The following PEX6 variants were observed in gnomAD, a reference collection of about 807,000 sequenced individuals.
PEX6 encodes the protein peroxisomal biogenesis factor 6.
PEX6 carries 55 observed loss-of-function variants against 85.6 expected under a neutral mutation model. The ratio of observed to expected loss-of-function variants is 0.64; its 90% CI spans 0.52 to 0.80. PEX6 has a LOEUF of 0.80. Ranked by LOEUF, PEX6 falls within the 30% of genes least tolerant of loss-of-function variation. The probability of loss-of-function intolerance (pLI) is 0.00; values close to 1 mark genes in which losing one functional copy is unlikely to be tolerated. For synonymous variants in PEX6, 519 were observed against 549.1 expected, an observed-to-expected ratio of 0.95 and a Z score of 0.77; for missense variants, 1,099 against 1,260.3, an observed-to-expected ratio of 0.87 and a Z score of 1.94.
Position 42,978,934 on chromosome 6 carries a change from G to A in PEX6, c.217C>T (p.Gln73Ter). The change falls in exon 1 of 17, where the codon CAG becomes TAG. Residue 73 changes from glutamine to a stop codon, truncating the protein, a stop_gained. Transcript: ENST00000304611. LOFTEE classifies it high-confidence loss of function. Reference protein sequence around the residue: ...GTEEQGPGPPQLLVSRALLRL... With the variant: ...GTEEQGPGPP ...AGCAGCGCGCGGCTAACCAGTAGCT[G>A]CGGCGGCCCGGGACCCTGCTCTTCG... The A allele has an allele frequency of 4.7e-6, 7 of 1,488,538 alleles. No homozygotes were observed. The highest frequency in any genetic ancestry group is 1.5e-5 in the African/African-American group (1 of 68,522). 92.2% of individuals were successfully genotyped at this position (1,488,538 alleles called of 1,614,324 possible). A position where few individuals can be genotyped will look rare whatever the true frequency, so the allele number is the denominator to read the frequency against.
rs772141052 is a variant in PEX6, at chr6:42,978,221, A to G, written c.882+48T>C. On this transcript the variant is annotated intron_variant, in intron 1 of 16. Coordinates refer to ENST00000304611, the MANE Select transcript of PEX6 (RefSeq NM_000287.4). ...TTCCAATTTACCTAAGACAGAGAAG[A>G]GGGTATAAGAAAGAGGAAGCACTCC... The G allele has an allele frequency of 1.9e-6, 3 of 1,592,216 alleles. No individual in the cohort carries two copies. The Middle Eastern group carries it at 5.0e-4, about 265-fold the overall frequency.
At chr6:42,967,243 A>G in intron 8 of PEX6, 125 bp downstream of exon 8, 2 of 912,934 alleles carry the variant, frequency 2.2e-6, no homozygotes, top group Non-Finnish European at 1.7e-6. Context: ...TGCTAGGATT[A>G]CAGGCGTGAG....
intron 3 of PEX6, 78 bp from the exon 4 acceptor site, chr6:42,970,065 C>T: frequency 8.7e-7 from 1 of 1,147,396 alleles, no homozygotes; most frequent in Non-Finnish European, 1.3e-6. Flanking sequence ...TTCTCAATCA[C>T]AGAGGACAAA....
At chr6:42,974,418 C>T (rs999227098) in intron 2 of PEX6, among the ~76,000 whole-genome samples, 40 of 149,064 alleles carry the variant, frequency 2.7e-4, no homozygotes, top group African/African-American at 7.9e-4. Flanking sequence ...TACCAAGAGG[C>T]GCCTACCACA....
At chr6:42,977,768 CAAAAAAAAAAAAAA>C (rs200706906) in intron 1 of PEX6, among the ~76,000 whole-genome samples, 2 of 51,720 alleles carry the variant, frequency 3.9e-5, no homozygotes, top group Non-Finnish European at 6.8e-5. Flanking sequence ...GACCCCATCT[CAAAAAAAAAAAAAA>C]AAAAAAAAAA....
At position 42,964,866 on chromosome 6, in the gene PEX6, C is replaced by G; in HGVS notation, c.2730G>C (p.Thr910=). ...AGCAGAGAGAGTAGAGGTCCGCGCC[C>G]GTCAGCTGGGGAGGGCAGCAATCTA... The part of the protein sequence containing the change: ...NVLDCCPPQL[T]GADLYSLCSD... Residue 910 remains threonine (T), a synonymous_variant, in exon 16 of 17, where the codon ACG becomes ACC. Coordinates refer to ENST00000304611, the MANE Select transcript of PEX6 (RefSeq NM_000287.4). This position sits in a 1 kb window ranked among gnomAD's most constrained non-coding sequence, Gnocchi z 4.6. 6.2e-7 allele frequency: 1 copy of G among 1,614,138 alleles called. No homozygotes were observed. Among genetic ancestry groups the G allele is most frequent in the Non-Finnish European group, 8.5e-7 (1 of 1,180,022 alleles).
rs1262623777 is a variant in PEX6, at chr6:42,971,461, C to CA, written c.1131-1475dup. Among the ~76,000 whole-genome samples, 3 of 152,216 alleles carry CA rather than the reference C, an allele frequency of 2.0e-5. No individual in the cohort carries two copies. The highest frequency in any genetic ancestry group is 4.4e-5 in the Non-Finnish European group (3 of 68,044). ...GCCAGAGCTCTGGAACCTATGTGGA[C>CA]ACTGCTAAGGAACACTGAGCTGTGC... On this transcript the variant is annotated intron_variant, in intron 3 of 16. Transcript: ENST00000304611. The surrounding 1 kb of genome is among the most constrained non-coding windows in gnomAD (Gnocchi z 4.4).
rs199705109 is a variant in PEX6 at position 42,965,827 on chromosome 6, G to C, written c.2363-38C>G. ...AGGGGCCCACAGGAGGGCAAAGCTC[G>C]GCTTGTGGGGGGTTGAAGTTAGGTG... On this transcript the variant is annotated intron_variant, in intron 12 of 16. Coordinates refer to ENST00000304611, the MANE Select transcript of PEX6 (RefSeq NM_000287.4). The surrounding 1 kb of genome is among the most constrained non-coding windows in gnomAD (Gnocchi z 5.0). 1 of 1,561,172 alleles carries C rather than the reference G, an allele frequency of 6.4e-7. No individual in the cohort carries two copies. Among genetic ancestry groups the C allele is most frequent in the South Asian group, 1.1e-5 (1 of 89,910 alleles).
At chr6:42,975,614 T>A (rs147177340) in intron 1 of PEX6, among the ~76,000 whole-genome samples, 1 of 152,188 alleles carries the variant, frequency 6.6e-6, no homozygotes, top group African/African-American at 2.4e-5. Context: ...TACAATGGAA[T>A]AGTCTATATC....
chr6:42,964,331 G>A lies in PEX6; in HGVS notation c.*4C>T, dbSNP rs772309654. 1.7e-5 allele frequency: 28 copies of A among 1,613,396 alleles called. No individual in the cohort carries two copies. Among genetic ancestry groups the A allele is most frequent in the Non-Finnish European group, 1.9e-5 (23 of 1,179,934 alleles). On this transcript the variant is annotated 3_prime_UTR_variant, in exon 17 of 17. Coordinates refer to ENST00000304611, the MANE Select transcript of PEX6 (RefSeq NM_000287.4). This position sits in a 1 kb window ranked among gnomAD's most constrained non-coding sequence, Gnocchi z 4.6. ...TGAGCGGGGTCCCAGACCCTGGGGG[G>A]CTCCTAGCAGGCAGCAAACTTGCGC...
chr6:42,979,066 A>G lies in PEX6; in HGVS notation c.85T>C (p.Trp29Arg). 1 of 1,539,114 alleles carries G rather than the reference A, an allele frequency of 6.5e-7. No individual in the cohort carries two copies. Among genetic ancestry groups the G allele is most frequent in the Non-Finnish European group, 8.7e-7 (1 of 1,149,946 alleles). Residue 29 changes from tryptophan to arginine, a missense_variant, in exon 1 of 17, where the codon TGG becomes CGG. Physicochemically the swap from Trp to Arg is moderately radical, Grantham distance 101. This residue lies in a region of PEX6 where 579 missense variants were observed against 611.6 expected (regional missense o/e 0.95). Coordinates refer to ENST00000304611, the MANE Select transcript of PEX6 (RefSeq NM_000287.4). ...ACCAGGCCCAGCTCCGCCGCCGGCC[A>G]CGGGCCCCCGGGTGGCAGCAGCACT... ...LAVLLPPGGP[W>R]PAAELGLVLA...
Position 42,966,553 on chromosome 6 carries a change from G to C in PEX6, c.2066C>G (p.Ala689Gly). 1.2e-6 allele frequency: 2 copies of C among 1,614,090 alleles called. No homozygotes were observed. Among genetic ancestry groups the C allele is most frequent in the East Asian group, 4.5e-5 (2 of 44,900 alleles). ...FGQALEQLQT[A>G]HSQAVGAPKI... ...GGGGGCTCCAACGGCCTGGGAGTGAGCTGTCTGCAGTTGCTCCAGTGCCTG... is the reference window on the plus strand; with the variant it reads ...GGGGGCTCCAACGGCCTGGGAGTGACCTGTCTGCAGTTGCTCCAGTGCCTG... The change falls in exon 10 of 17, where the codon GCT (alanine) becomes GGT (glycine). Residue 689 changes from alanine (A) to glycine (G), a missense_variant. Ala to Gly is a moderately conservative substitution (Grantham distance 60). Transcript: ENST00000304611.
At chr6:42,977,849 T>G (rs1442517297) in intron 1 of PEX6, among the ~76,000 whole-genome samples, 1 of 149,026 alleles carries the variant, frequency 6.7e-6, no homozygotes, top group Non-Finnish European at 1.5e-5. Context: ...ATGCTTTTTT[T>G]TTTTTTTTTT....
At chr6:42,974,756 T>G in intron 2 of PEX6, 119 bp downstream of exon 2, 1 of 933,496 alleles carries the variant, frequency 1.1e-6, no homozygotes, top group Non-Finnish European at 1.8e-6. Flanking sequence ...CCACAGCACC[T>G]AGCCGCAAAT....
Position 42,966,353 on chromosome 6 carries a change from A to G in PEX6, c.2189T>C (p.Leu730Pro), listed in dbSNP as rs780150243. 6.2e-7 allele frequency: 1 copy of G among 1,613,962 alleles called. No individual in the cohort carries two copies. The highest frequency in any genetic ancestry group is 1.1e-5 in the South Asian group (1 of 91,090). ...TGAGCGTCTCAGGCCCAGGCTCAGT[A>G]GCTCAGGGTGCTCCAGGGGGAGCTG... The part of the protein sequence containing the change: ...TIQLPLEHPE[L>P]LSLGLRRSGL... Residue 730 changes from leucine (L) to proline (P), a missense_variant, in exon 11 of 17, where the codon CTA becomes CCA. Physicochemically the swap from Leu to Pro is moderately conservative, Grantham distance 98 (BLOSUM62 -3). Around this residue, in one of 3 missense-constraint regions of PEX6, gnomAD observed 514 missense variants for 627.0 expected, o/e 0.82. Transcript: ENST00000304611.
chr6:42,974,211 C>A (rs1236280550), intron 2 of PEX6, 125 bp from the exon 3 acceptor site: 3 of 739,012 alleles, frequency 4.1e-6, no homozygotes, highest in Non-Finnish European at 7.2e-6. Context: ...AGATCCCACG[C>A]AGTTCTCCAA....
rs779951813 is a variant in PEX6 at position 42,966,257 on chromosome 6, C to T, written c.2285G>A (p.Ser762Asn). 3 of 1,612,240 alleles carry T rather than the reference C, an allele frequency of 1.9e-6. No homozygotes were observed. The East Asian group carries it at 6.7e-5, about 36-fold the overall frequency. ...LLAKAVATEC[S>N]LTFLSVKGPE... ...CCCTGGCCACCTGAGGAAGGTAAGGCTGCACTCAGTGGCTACTGCCTTGGC... is the reference window on the plus strand; with the variant it reads ...CCCTGGCCACCTGAGGAAGGTAAGGTTGCACTCAGTGGCTACTGCCTTGGC... The change falls in exon 11 of 17, where the codon AGC (serine) becomes AAC (asparagine). Residue 762 changes from serine (S) to asparagine (N), a missense_variant. Transcript: ENST00000304611.
rs34536442 is a variant in PEX6 at position 42,977,251 on chromosome 6, C to CCTTTTTTTTTTTTTTTTTTTTT, written c.882+1017_882+1018insAAAAAAAAAAAAAAAAAAAAAG. Among the ~76,000 whole-genome samples the CCTTTTTTTTTTTTTTTTTTTTT allele has an allele frequency of 2.4e-5, 3 of 126,678 alleles. 1 individual carries two copies. Among genetic ancestry groups the CCTTTTTTTTTTTTTTTTTTTTT allele is most frequent in the Non-Finnish European group, 3.3e-5 (2 of 61,482 alleles). The allele number at this position is 126,678 out of a possible 152,430, so 83.1% of individuals were successfully genotyped here. On this transcript the variant is annotated intron_variant, in intron 1 of 16. Coordinates refer to ENST00000304611, the MANE Select transcript of PEX6 (RefSeq NM_000287.4). ...ATTAACATACACATCTGAAACCTCACTTTTTTTTTTTTTTTTTTTTACACA... is the reference window on the plus strand; with the variant it reads ...ATTAACATACACATCTGAAACCTCACCTTTTTTTTTTTTTTTTTTTTTTTTTTTTTTTTTTTTTTTTTACACA...
chr6:42,978,241 C>T (rs765070092), intron 1 of PEX6, 28 bp downstream of exon 1: 2 of 1,612,224 alleles, frequency 1.2e-6, no homozygotes, highest in Non-Finnish European at 1.7e-6. Context: ...AAAGAGGAAG[C>T]ACTCCTGACC....
Sources: gnomAD v4.1 joint callset for allele counts (sites outside exome capture counted in the v4.1 genomes callset) on GRCh38, gnomAD v4.1.1 for gene constraint, gnomAD v4.1.1 regional missense constraint, Gnocchi (gnomAD v3.1) non-coding constraint, MANE v1.5 for transcripts, NCBI Gene and HGNC (gene_info 2026-07-23, HGNC 2026-07-21) for gene names.